Variants in SDK1 observed in about 807,000 individuals in gnomAD.
SDK1 encodes sidekick cell adhesion molecule 1.
In SDK1, 157 loss-of-function variants were observed where a neutral mutation model predicts 245.5. The observed-to-expected ratio is 0.64, with a 90% CI of 0.56 to 0.73. SDK1 has a LOEUF of 0.73. Among genes scored for constraint, SDK1 ranks in the 30% least tolerant of loss-of-function variants. The pLI, the probability that SDK1 is intolerant of heterozygous loss-of-function variation, is 0.00. For missense variants in SDK1, 3,583 were observed against 3,002.3 expected, an observed-to-expected ratio of 1.19 and a Z score of -4.52; for synonymous variants, 1,647 against 1,278.5, an observed-to-expected ratio of 1.29 and a Z score of -6.15.
At chr7:3,640,813 A>G (rs1349281399) in intron 3 of SDK1, among the ~76,000 whole-genome samples, 5 of 151,940 alleles carry the variant, frequency 3.3e-5, no homozygotes, top group Admixed American at 2.6e-4. Flanking sequence ...CCTCCTGAGC[A>G]GCTGGGATTA....
rs190141513 is a variant in SDK1 at position 3,531,701 on chromosome 7, G to C, written c.299-87379G>C. ...TTATCTATTTTTGTCGCCTCACCTA[G>C]GTAATGACAATAAAGTGATACATGG... On this transcript the variant is annotated intron_variant, in intron 1 of 44. Coordinates refer to ENST00000404826, the MANE Select transcript of SDK1 (RefSeq NM_152744.4). 4.6e-5 allele frequency among the ~76,000 whole-genome samples: 7 copies of C among 152,244 alleles called. 1 individual carries two copies. The highest frequency in any genetic ancestry group is 4.2e-4 in the South Asian group (2 of 4,816).
chr7:3,421,278 G>A (rs1779527957), intron 1 of SDK1, among the ~76,000 whole-genome samples: 1 of 151,894 alleles, frequency 6.6e-6, no homozygotes, highest in Non-Finnish European at 1.5e-5. Context: ...CACCATGTTG[G>A]CCAAGCTGGT....
At chr7:3,925,737 T>G (rs1471137175) in intron 5 of SDK1, among the ~76,000 whole-genome samples, 1 of 152,058 alleles carries the variant, frequency 6.6e-6, no homozygotes. Context: ...GAGGGAAAGA[T>G]GAGTTAATGA....
chr7:3,773,215 G>T (rs1321837295), intron 4 of SDK1, among the ~76,000 whole-genome samples: 5 of 151,888 alleles, frequency 3.3e-5, no homozygotes, highest in Non-Finnish European at 1.5e-5. Flanking sequence ...AGTCCCTTTT[G>T]CTCTGTTCAC....
rs1340022848 is a variant in SDK1, at chr7:4,077,089, C to A, written c.3102C>A (p.Gly1034=). ...NSTTHEYKIQ[G]LSSLTTYTID... is the part of the protein sequence containing the mutation. The stretch of plus-strand genomic sequence containing the variant: ...CGACGCACGAGTACAAGATCCAAGG[C>A]CTCTCATCTCTCACCACCTACACCA... Residue 1034 remains glycine (G), a synonymous_variant, in exon 21 of 45, where the codon GGC becomes GGA. Coordinates refer to ENST00000404826, the MANE Select transcript of SDK1 (RefSeq NM_152744.4). 3 of 1,614,194 alleles carry A rather than the reference C, an allele frequency of 1.9e-6. No homozygotes were observed. The highest frequency in any genetic ancestry group is 1.3e-5 in the African/African-American group (1 of 75,062).
At chr7:3,449,624 A>G (rs1780450728) in intron 1 of SDK1, among the ~76,000 whole-genome samples, 2 of 152,368 alleles carry the variant, frequency 1.3e-5, no homozygotes, top group Non-Finnish European at 2.9e-5. Context: ...AGGAAATATA[A>G]TGTGCTACAT....
chr7:3,707,146 A>T (rs909461856), intron 4 of SDK1, among the ~76,000 whole-genome samples: 2 of 152,114 alleles, frequency 1.3e-5, no homozygotes, highest in Admixed American at 6.5e-5. Flanking sequence ...ATGACATTAG[A>T]TTGTCAATTT....
At chr7:3,839,444 T>G (rs538927443) in intron 5 of SDK1, among the ~76,000 whole-genome samples, 128 of 152,346 alleles carry the variant, frequency 8.4e-4, no homozygotes, top group African/African-American at 2.8e-3. Context: ...TGTTTGATGA[T>G]AAATCACTGA....
chr7:3,950,901 AT>A, intron 5 of SDK1, 21 bp from the exon 6 acceptor site: 1 of 1,594,070 alleles, frequency 6.3e-7, no homozygotes, highest in Non-Finnish European at 8.6e-7. Context: ...TTTCATGGAC[AT>A]TTCTCTTTTC....
At chr7:4,217,026 CCGG>C (rs1784840326) in intron 38 of SDK1, among the ~76,000 whole-genome samples, 1 of 109,080 alleles carries the variant, frequency 9.2e-6, no homozygotes, top group African/African-American at 3.6e-5. Context: ...ACCACACCAC[CCGG>C]AGCACCAGGC....
chr7:3,798,444 C>G (rs1779021643), intron 4 of SDK1, among the ~76,000 whole-genome samples: 1 of 152,020 alleles, frequency 6.6e-6, no homozygotes, highest in South Asian at 2.1e-4. Flanking sequence ...GTCTTGATCT[C>G]CTGACCTTGT....
chr7:3,855,595 G>C (rs999314898), intron 5 of SDK1, among the ~76,000 whole-genome samples: 1 of 152,208 alleles, frequency 6.6e-6, no homozygotes. Flanking sequence ...AGAAGATAGA[G>C]CCAGCAGTGC....
intron 1 of SDK1, among the ~76,000 whole-genome samples, chr7:3,318,556 C>G (rs550492546): frequency 6.6e-6 from 1 of 152,340 alleles, no homozygotes; most frequent in East Asian, 1.9e-4. Flanking sequence ...CTGAAATACA[C>G]AGAAGGCATT....
At chr7:4,103,055 T>C (rs11977011) in intron 22 of SDK1, among the ~76,000 whole-genome samples, 18,515 of 145,034 alleles carry the variant, frequency 0.13, 1,875 homozygotes, top group African/African-American at 0.29. Context: ...GGCTGGAGTG[T>C]AGTGGTGCGA....
intron 35 of SDK1, among the ~76,000 whole-genome samples, chr7:4,198,247 A>C (rs1255434433): frequency 6.6e-6 from 1 of 151,048 alleles, no homozygotes; most frequent in Non-Finnish European, 1.5e-5. Flanking sequence ...CCCATCACAC[A>C]CCCCCCTCAT....
intron 1 of SDK1, among the ~76,000 whole-genome samples, chr7:3,356,591 C>T (rs1780801811): frequency 6.6e-6 from 1 of 152,124 alleles, no homozygotes; most frequent in African/African-American, 2.4e-5. Context: ...ATAATTTTAT[C>T]TGACCAAGAA....
intron 4 of SDK1, among the ~76,000 whole-genome samples, chr7:3,772,717 C>T (rs1780438459): frequency 6.6e-6 from 1 of 152,132 alleles, no homozygotes; most frequent in Non-Finnish European, 1.5e-5. Flanking sequence ...CTTTTCATTT[C>T]ATTCAGAAGG....
intron 1 of SDK1, among the ~76,000 whole-genome samples, chr7:3,551,889 T>C (rs1379068587): frequency 6.6e-6 from 1 of 152,132 alleles, no homozygotes; most frequent in Non-Finnish European, 1.5e-5. Flanking sequence ...CTTTACAGAA[T>C]TATTTAGAAT....
chr7:3,912,431 C>G (rs1399006029), intron 5 of SDK1, among the ~76,000 whole-genome samples: 1 of 152,254 alleles, frequency 6.6e-6, no homozygotes, highest in Non-Finnish European at 1.5e-5. Context: ...AAGTACAACA[C>G]CAGCGTGCCA....
Sources: allele counts gnomAD v4.1 joint callset (sites outside exome capture counted in the v4.1 genomes callset), GRCh38; gene constraint gnomAD v4.1.1; transcripts MANE v1.5; gene names NCBI Gene and HGNC (gene_info 2026-07-23, HGNC 2026-07-21).